The following DOCK3 variants were observed in gnomAD, a reference collection of about 807,000 sequenced individuals.
The protein encoded by DOCK3 is dedicator of cytokinesis 3, also known as dedicator of cytokinesis protein 3.
A neutral mutation model predicts 265.6 loss-of-function variants in DOCK3; 60 were observed. The ratio of observed to expected loss-of-function variants is 0.23; its 90% CI spans 0.18 to 0.28. The LOEUF (loss-of-function observed/expected upper bound fraction) is 0.28. Among genes scored for constraint, DOCK3 ranks in the 10% least tolerant of loss-of-function variants. The pLI is 1.00. For missense variants in DOCK3, 1,981 were observed against 2,594.3 expected, an observed-to-expected ratio of 0.76 and a Z score of 5.14; for synonymous variants, 881 against 938.0, an observed-to-expected ratio of 0.94 and a Z score of 1.11.
chr3:50,939,458 T>G (rs561303943), intron 5 of DOCK3, among the ~76,000 whole-genome samples: 7 of 152,224 alleles, frequency 4.6e-5, no homozygotes, highest in African/African-American at 1.7e-4. Context: ...TCTCTTATGT[T>G]TGTGACTATA....
chr3:51,277,370 G>T (rs979840326), intron 25 of DOCK3, among the ~76,000 whole-genome samples: 3 of 152,184 alleles, frequency 2.0e-5, no homozygotes, highest in African/African-American at 7.2e-5. Context: ...AAAGTTGCAG[G>T]TGGTGTTGAG....
intron 27 of DOCK3, among the ~76,000 whole-genome samples, chr3:51,306,131 GC>G: frequency 6.6e-6 from 1 of 151,450 alleles, no homozygotes; most frequent in East Asian, 1.9e-4. Flanking sequence ...CTCTCAAAGT[GC>G]TAGGATTACA....
At chr3:51,021,717 A>G (rs2079602070) in intron 5 of DOCK3, among the ~76,000 whole-genome samples, 1 of 148,920 alleles carries the variant, frequency 6.7e-6, no homozygotes, top group Non-Finnish European at 1.5e-5. Flanking sequence ...GCTGGAGCGC[A>G]ATGGTGCGAT....
chr3:51,214,703 A>G (rs2089686002), intron 14 of DOCK3, among the ~76,000 whole-genome samples: 1 of 152,200 alleles, frequency 6.6e-6, no homozygotes, highest in Non-Finnish European at 1.5e-5. Context: ...TTCCATTTTC[A>G]TGTATCAGAA....
intron 27 of DOCK3, among the ~76,000 whole-genome samples, chr3:51,283,692 C>A (rs955637547): frequency 6.6e-6 from 1 of 152,192 alleles, no homozygotes; most frequent in Non-Finnish European, 1.5e-5. Context: ...TAATTTCAGA[C>A]AAACTCCTCT....
chr3:50,704,339 C>G (rs2036248284), intron 1 of DOCK3, among the ~76,000 whole-genome samples: 1 of 152,050 alleles, frequency 6.6e-6, no homozygotes, highest in Non-Finnish European at 1.5e-5. Flanking sequence ...TATTTTCTCT[C>G]TAGGTGGTCT....
chr3:51,110,420 G>A (rs944710768), intron 9 of DOCK3, among the ~76,000 whole-genome samples: 9 of 152,056 alleles, frequency 5.9e-5, no homozygotes, highest in Non-Finnish European at 1.2e-4. Flanking sequence ...GATGAACATT[G>A]ATGCAAAAAT....
intron 9 of DOCK3, among the ~76,000 whole-genome samples, chr3:51,134,749 A>G (rs2084717399): frequency 6.6e-6 from 1 of 152,152 alleles, no homozygotes; most frequent in African/African-American, 2.4e-5. Context: ...TTCCCATGGA[A>G]CCGAATTTTC....
intron 24 of DOCK3, among the ~76,000 whole-genome samples, chr3:51,272,038 C>T (rs1243381564): frequency 6.6e-6 from 1 of 152,186 alleles, no homozygotes; most frequent in African/African-American, 2.4e-5. Context: ...GCAGCCTAGT[C>T]TGTCTTTCAC....
At chr3:51,062,406 G>T in intron 5 of DOCK3, among the ~76,000 whole-genome samples, 1 of 152,100 alleles carries the variant, frequency 6.6e-6, no homozygotes, top group Non-Finnish European at 1.5e-5. Context: ...TCTTATGCCT[G>T]AATAATGTCC....
At chr3:51,202,395 C>T (rs1231787021) in intron 12 of DOCK3, among the ~76,000 whole-genome samples, 1 of 150,592 alleles carries the variant, frequency 6.6e-6, no homozygotes, top group Admixed American at 6.6e-5. Flanking sequence ...AACACCTCTA[C>T]GCAAATAAAC....
At chr3:51,199,385 T>C (rs1202097525) in intron 12 of DOCK3, among the ~76,000 whole-genome samples, 1 of 152,234 alleles carries the variant, frequency 6.6e-6, no homozygotes, top group African/African-American at 2.4e-5. Context: ...CAGGAGATTA[T>C]ATCCTGCACC....
At chr3:51,254,594 T>C (rs1253297630) in intron 22 of DOCK3, among the ~76,000 whole-genome samples, 3 of 152,250 alleles carry the variant, frequency 2.0e-5, no homozygotes, top group Admixed American at 2.0e-4. Context: ...GCTCTTCTCA[T>C]TGAATTGATC....
intron 2 of DOCK3, among the ~76,000 whole-genome samples, chr3:50,840,526 A>T (rs1183146416): frequency 6.6e-6 from 1 of 152,100 alleles, no homozygotes; most frequent in East Asian, 1.9e-4. Flanking sequence ...GATTGTATTT[A>T]TGTGGGTCTA....
chr3:50,729,956 T>A (rs1453955563), intron 1 of DOCK3, among the ~76,000 whole-genome samples: 1 of 151,582 alleles, frequency 6.6e-6, no homozygotes, highest in Non-Finnish European at 1.5e-5. Flanking sequence ...CTAGTTGGGA[T>A]TACAAGTGCC....
At chr3:50,814,857 G>A (rs182584354) in intron 2 of DOCK3, among the ~76,000 whole-genome samples, 5 of 149,984 alleles carry the variant, frequency 3.3e-5, no homozygotes, top group African/African-American at 9.8e-5. Flanking sequence ...ATGGAGTCTC[G>A]CTCTGCCGCC....
intron 2 of DOCK3, among the ~76,000 whole-genome samples, chr3:50,783,824 A>G (rs917603556): frequency 6.8e-6 from 1 of 146,618 alleles, no homozygotes; most frequent in Admixed American, 6.8e-5. Flanking sequence ...TAGAATTTTT[A>G]TGGTTTCAGG....
At chr3:50,741,529 G>A (rs2039027173) in intron 1 of DOCK3, among the ~76,000 whole-genome samples, 2 of 149,204 alleles carry the variant, frequency 1.3e-5, no homozygotes, top group African/African-American at 5.0e-5. Flanking sequence ...GCAGTGTTTG[G>A]TTTTTTGTTC....
rs552176564 is a variant in DOCK3, at chr3:51,238,939, T to C, written c.2102+1349T>C. Among the ~76,000 whole-genome samples, 10 of 152,352 alleles carry C rather than the reference T, an allele frequency of 6.6e-5. No homozygotes were observed. The South Asian group carries it at 1.9e-3, about 28-fold the overall frequency. On this transcript the variant is annotated intron_variant, in intron 21 of 52. Coordinates refer to ENST00000266037, the MANE Select transcript of DOCK3 (RefSeq NM_004947.5). ...GAACCTATGCAAGCATGTGTCTTTA[T>C]GGTAGAACAATTTATATTACTTTGG... is the stretch of plus-strand genomic sequence containing the variant.
Sources: allele counts gnomAD v4.1 joint callset (sites outside exome capture counted in the v4.1 genomes callset), GRCh38; gene constraint gnomAD v4.1.1; transcripts MANE v1.5; gene names NCBI Gene and HGNC (gene_info 2026-07-23, HGNC 2026-07-21).